Variants in SOX5 observed in about 807,000 individuals in gnomAD.
SOX5 encodes the protein transcription factor SOX-5.
In SOX5, 9 loss-of-function variants were observed where a neutral mutation model predicts 92.0. The ratio of observed to expected loss-of-function variants is 0.10; its 90% CI spans 0.06 to 0.17. SOX5 has a LOEUF of 0.17. Ranked by LOEUF, SOX5 falls within the 10% of genes least tolerant of loss-of-function variation. The pLI is 1.00. For synonymous variants in SOX5, 344 were observed against 336.3 expected, an observed-to-expected ratio of 1.02 and a Z score of -0.25; for missense variants, 642 against 944.5, an observed-to-expected ratio of 0.68 and a Z score of 4.20.
intron 4 of SOX5, among the ~76,000 whole-genome samples, chr12:24,211,323 T>C (rs545575188): frequency 3.9e-5 from 6 of 152,212 alleles, no homozygotes; most frequent in Non-Finnish European, 8.8e-5. Context: ...TTATCCCCAC[T>C]GACATACACA....
At chr12:23,617,585 G>A (rs943239061) in intron 8 of SOX5, among the ~76,000 whole-genome samples, 17 of 152,086 alleles carry the variant, frequency 1.1e-4, no homozygotes, top group African/African-American at 4.1e-4. Flanking sequence ...GTGTTAGGAG[G>A]GTGTGAAGAC....
chr12:24,421,888 C>A (rs566378773), intron 1 of SOX5, among the ~76,000 whole-genome samples: 36 of 152,258 alleles, frequency 2.4e-4, no homozygotes, highest in Non-Finnish European at 4.9e-4. Context: ...TCTTTCCAAC[C>A]CAGGAAACTA....
intron 3 of SOX5, among the ~76,000 whole-genome samples, chr12:23,778,301 A>T (rs1258988626): frequency 6.6e-6 from 1 of 152,234 alleles, no homozygotes; most frequent in Non-Finnish European, 1.5e-5. Context: ...TCTAAAAAAC[A>T]TTTAGACACA....
chr12:24,512,845 T>G (rs1949447127), intron 1 of SOX5, among the ~76,000 whole-genome samples: 2 of 152,284 alleles, frequency 1.3e-5, no homozygotes, highest in Admixed American at 1.3e-4. Context: ...ATCCATCCAG[T>G]CTTTTGTGTT....
intron 1 of SOX5, among the ~76,000 whole-genome samples, chr12:24,530,019 CAAAAAA>C (rs34105691): frequency 2.7e-5 from 2 of 72,986 alleles, no homozygotes; most frequent in Admixed American, 1.7e-4. Context: ...GACTCCGTCT[CAAAAAA>C]AAAAAAAAAA....
intron 4 of SOX5, among the ~76,000 whole-genome samples, chr12:24,173,678 C>T (rs917591899): frequency 1.3e-5 from 2 of 152,028 alleles, no homozygotes; most frequent in East Asian, 1.9e-4. Context: ...GGGGTCAGGG[C>T]GGGGGAAGTG....
At chr12:23,656,310 A>T (rs2082297260) in intron 7 of SOX5, among the ~76,000 whole-genome samples, 1 of 152,148 alleles carries the variant, frequency 6.6e-6, no homozygotes, top group South Asian at 2.1e-4. Context: ...TTCTCCATTA[A>T]CAAACTCAGA....
At chr12:23,972,518 T>C (rs1181784491) in intron 4 of SOX5, among the ~76,000 whole-genome samples, 3 of 133,150 alleles carry the variant, frequency 2.3e-5, no homozygotes, top group Non-Finnish European at 5.3e-5. Flanking sequence ...CCACTACGCC[T>C]GGCTAATTTT....
chr12:24,146,283 G>T (rs893775424), intron 4 of SOX5, among the ~76,000 whole-genome samples: 1 of 151,980 alleles, frequency 6.6e-6, no homozygotes, highest in Admixed American at 6.6e-5. Flanking sequence ...TACATAGTAT[G>T]TTCCCTAACT....
intron 4 of SOX5, among the ~76,000 whole-genome samples, chr12:24,188,788 T>A (rs1022054530): frequency 3.3e-5 from 5 of 152,148 alleles, no homozygotes; most frequent in Admixed American, 3.3e-4. Flanking sequence ...GGAAGATTAA[T>A]CCATTTCTAC....
At chr12:23,782,005 C>CT (rs201132445) in intron 3 of SOX5, among the ~76,000 whole-genome samples, 155 of 150,862 alleles carry the variant, frequency 1.0e-3, no homozygotes, top group African/African-American at 3.4e-3. Flanking sequence ...TGGATATACA[C>CT]TTTTTTTTTA....
At chr12:24,000,792 T>C (rs762717621) in intron 4 of SOX5, among the ~76,000 whole-genome samples, 13 of 152,146 alleles carry the variant, frequency 8.5e-5, no homozygotes, top group African/African-American at 1.2e-4. Flanking sequence ...GATTTAATTA[T>C]ATGCTGACTG....
At chr12:23,676,235 AG>A (rs1263126312) in intron 6 of SOX5, among the ~76,000 whole-genome samples, 1 of 152,202 alleles carries the variant, frequency 6.6e-6, no homozygotes, top group Non-Finnish European at 1.5e-5. Context: ...TACAAAAAAA[AG>A]TAATTATGTG....
At position 23,533,409 on chromosome 12, in the gene SOX5, T is replaced by TTGTC. The variant is rs1939508993; in HGVS notation, c.*806_*809dup. 3.6e-6 allele frequency: 1 copy of TTGTC among 278,964 alleles called. No homozygotes were observed. The highest frequency in any genetic ancestry group is 7.3e-6 in the Non-Finnish European group (1 of 136,564). The allele number at this position is 278,964 out of a possible 1,614,324, so 17.3% of individuals were successfully genotyped here. On this transcript the variant is annotated 3_prime_UTR_variant, in exon 15 of 15. Coordinates refer to ENST00000451604, the MANE Select transcript of SOX5 (RefSeq NM_006940.6). ...CTGGTATTTCAGGTTTTTCAAGGGATTGTCTAAGATTTAACACTGTCCTAA... is the reference window on the plus strand; with the variant it reads ...CTGGTATTTCAGGTTTTTCAAGGGATTGTCTGTCTAAGATTTAACACTGTCCTAA...
chr12:24,137,259 C>T (rs560900503), intron 4 of SOX5, among the ~76,000 whole-genome samples: 2 of 152,260 alleles, frequency 1.3e-5, no homozygotes, highest in South Asian at 4.1e-4. Context: ...CAAGTTCTCT[C>T]CTGAGATTCT....
chr12:24,401,708 T>TAAA lies in SOX5; in HGVS notation c.-250-33072_-250-33070dup, dbSNP rs71063321. Among the ~76,000 whole-genome samples the TAAA allele has an allele frequency of 6.2e-4, 62 of 99,452 alleles. 2 individuals carry two copies. The highest frequency in any genetic ancestry group is 2.3e-3 in the East Asian group (8 of 3,512). 65.2% of individuals were successfully genotyped at this position (99,452 alleles called of 152,430 possible). ...GGATGACAGAGCCAGACCCTATCTT[T>TAAA]AAAAAAAAAAAAAAAAAAAAAAAAA... is the stretch of plus-strand genomic sequence containing the variant. On this transcript the variant is annotated intron_variant, in intron 1 of 4. Transcript: ENST00000446891.
At chr12:23,935,485 T>A (rs1670300539) in intron 1 of SOX5, among the ~76,000 whole-genome samples, 2 of 151,240 alleles carry the variant, frequency 1.3e-5, no homozygotes, top group South Asian at 4.1e-4. Context: ...ATTATTTCAA[T>A]AGATGGCTTA....
At chr12:23,637,444 C>T (rs2079411302) in intron 8 of SOX5, among the ~76,000 whole-genome samples, 1 of 152,192 alleles carries the variant, frequency 6.6e-6, no homozygotes, top group African/African-American at 2.4e-5. Flanking sequence ...CCATACTCCC[C>T]TCATTAAAAC....
chr12:24,348,589 G>C (rs530991612), intron 2 of SOX5, among the ~76,000 whole-genome samples: 1 of 151,946 alleles, frequency 6.6e-6, no homozygotes, highest in Non-Finnish European at 1.5e-5. Flanking sequence ...CACCATGTTG[G>C]CCAGGCTGGT....
Sources: gnomAD v4.1 joint callset for allele counts (sites outside exome capture counted in the v4.1 genomes callset) on GRCh38, gnomAD v4.1.1 for gene constraint, MANE v1.5 for transcripts, NCBI Gene and HGNC (gene_info 2026-07-23, HGNC 2026-07-21) for gene names.